Variants in EBF2 observed in about 807,000 individuals in gnomAD.
EBF2 encodes the protein EBF transcription factor 2.
Under a neutral mutation model 72.8 loss-of-function variants are expected in EBF2, and 21 were observed. That is an observed-to-expected ratio of 0.29 (90% confidence interval 0.20 to 0.42). The LOEUF is 0.42. Ranked by LOEUF, EBF2 falls within the 10% of genes least tolerant of loss-of-function variation. EBF2 has a pLI of 1.00. For synonymous variants in EBF2, 299 were observed against 274.2 expected (o/e 1.09, Z -0.89); for missense variants, 637 against 731.2 (o/e 0.87, Z 1.49).
At chr8:25,924,123 A>T (rs1476504077) in intron 6 of EBF2, among the ~76,000 whole-genome samples, 1 of 152,148 alleles carries the variant, frequency 6.6e-6, no homozygotes, top group Non-Finnish European at 1.5e-5. Context: ...CAATATTTTC[A>T]TCTCTCTGTG....
At chr8:25,941,846 G>A (rs79228170) in intron 6 of EBF2, among the ~76,000 whole-genome samples, 2 of 152,236 alleles carry the variant, frequency 1.3e-5, no homozygotes, top group East Asian at 1.9e-4. Context: ...TGATAAACAC[G>A]TGGAAATGCA....
intron 6 of EBF2, among the ~76,000 whole-genome samples, chr8:25,947,469 G>A (rs1377918357): frequency 3.3e-5 from 5 of 152,158 alleles, no homozygotes; most frequent in African/African-American, 1.2e-4. Context: ...CACGCATGCT[G>A]TAGCCCTAGT....
At chr8:25,948,071 G>T (rs1437570598) in intron 6 of EBF2, among the ~76,000 whole-genome samples, 1 of 152,096 alleles carries the variant, frequency 6.6e-6, no homozygotes, top group Non-Finnish European at 1.5e-5. Context: ...AGGTGGCCAA[G>T]CATTCATTCA....
chr8:25,988,351 G>A (rs984514470), intron 6 of EBF2, among the ~76,000 whole-genome samples: 5 of 152,190 alleles, frequency 3.3e-5, no homozygotes, highest in African/African-American at 1.2e-4. Context: ...TGCACATGCA[G>A]AAATATTCTA....
intron 6 of EBF2, among the ~76,000 whole-genome samples, chr8:25,967,947 T>C (rs1804139174): frequency 6.6e-6 from 1 of 152,232 alleles, no homozygotes; most frequent in South Asian, 2.1e-4. Context: ...ATAGTATGTA[T>C]ACTTACAGAA....
At chr8:25,908,653 T>A (rs1381050243) in intron 6 of EBF2, 98 bp from the exon 7 acceptor site, 3 of 841,338 alleles carry the variant, frequency 3.6e-6, no homozygotes, top group Non-Finnish European at 5.7e-6. Context: ...GCGATTCTAT[T>A]TCAGATCTGG....
chr8:25,936,883 G>C (rs1803588077), intron 6 of EBF2, among the ~76,000 whole-genome samples: 1 of 152,122 alleles, frequency 6.6e-6, no homozygotes, highest in Non-Finnish European at 1.5e-5. Flanking sequence ...TTTTATTCTA[G>C]AATTTCAAAA....
intron 5 of EBF2, among the ~76,000 whole-genome samples, chr8:26,034,457 G>A (rs901345967): frequency 1.3e-5 from 2 of 152,136 alleles, no homozygotes; most frequent in Admixed American, 6.5e-5. Context: ...GATCCCCTGG[G>A]GCAATTACAA....
chr8:25,969,767 C>T lies in EBF2; in HGVS notation c.552-61212G>A, dbSNP rs1008147965. 5.3e-5 allele frequency among the ~76,000 whole-genome samples: 8 copies of T among 152,258 alleles called. No homozygotes were observed. In the East Asian group the frequency reaches 5.8e-4, roughly 11 times the overall value. On this transcript the variant is annotated intron_variant, in intron 6 of 15. Transcript: ENST00000520164. Reference sequence around the variant, plus strand: ...TCACCCAGGCTGGAGGGCAGTGGCGCGATCACAGCTCACTGCAGCTTTGAA... The same window carrying T: ...TCACCCAGGCTGGAGGGCAGTGGCGTGATCACAGCTCACTGCAGCTTTGAA...
chr8:25,886,971 C>T lies in EBF2; in HGVS notation c.883-90G>A, dbSNP rs528480379. 20 of 1,428,534 alleles carry T rather than the reference C, an allele frequency of 1.4e-5. No homozygotes were observed. The African/African-American group carries it at 2.7e-4, about 19-fold the overall frequency. 88.5% of individuals were successfully genotyped at this position (1,428,534 alleles called of 1,614,324 possible). A position where few individuals can be genotyped will look rare whatever the true frequency, so the allele number is the denominator to read the frequency against. ...TGTACAACATCTCCCACTATTGCTC[C>T]CCAGGGGCTTCTTTCTCTCTGCTCT... On this transcript the variant is annotated intron_variant, in intron 9 of 15. Coordinates refer to ENST00000520164, the MANE Select transcript of EBF2 (RefSeq NM_022659.4).
chr8:26,013,114 A>C (rs535467855), intron 6 of EBF2, among the ~76,000 whole-genome samples: 1 of 152,274 alleles, frequency 6.6e-6, no homozygotes, highest in Non-Finnish European at 1.5e-5. Context: ...TTTTGGGAGG[A>C]GTATCTCACT....
chr8:25,844,690 C>T, intron 15 of EBF2, 50 bp from the exon 16 acceptor site: 1 of 1,609,144 alleles, frequency 6.2e-7, no homozygotes, highest in Non-Finnish European at 8.5e-7. Flanking sequence ...TTTTTATGTT[C>T]AAGGCTATGA....
chr8:25,892,781 A>G, intron 7 of EBF2, among the ~76,000 whole-genome samples: 1 of 152,194 alleles, frequency 6.6e-6, no homozygotes, highest in East Asian at 1.9e-4. Context: ...CTAATATGTG[A>G]CAGGGCCCAG....
At chr8:26,002,876 AGGCGGGCAGGCG>A (rs1563204666) in intron 6 of EBF2, among the ~76,000 whole-genome samples, 5,067 of 93,066 alleles carry the variant, frequency 0.054, 150 homozygotes, top group Non-Finnish European at 0.097. Context: ...GCAGGCGGGC[AGGCGGGCAGGCG>A]GGCAGGCAGG....
intron 6 of EBF2, among the ~76,000 whole-genome samples, chr8:25,993,699 G>C (rs1585219545): frequency 6.6e-6 from 1 of 152,100 alleles, no homozygotes; most frequent in Non-Finnish European, 1.5e-5. Flanking sequence ...AGAGGGGTGA[G>C]ACAAAGGAAT....
intron 14 of EBF2, among the ~76,000 whole-genome samples, chr8:25,851,336 C>T (rs932177043): frequency 3.3e-5 from 5 of 151,522 alleles, no homozygotes; most frequent in Admixed American, 1.3e-4. Context: ...CTTCCTCTCC[C>T]GTAATTTCAA....
intron 15 of EBF2, among the ~76,000 whole-genome samples, chr8:25,849,135 G>T (rs1170868535): frequency 6.6e-6 from 1 of 152,188 alleles, no homozygotes; most frequent in Non-Finnish European, 1.5e-5. Context: ...GTTTCCAGAT[G>T]TTTCCAACTA....
At chr8:25,963,638 C>CGA (rs1443831873) in intron 6 of EBF2, among the ~76,000 whole-genome samples, 1 of 152,150 alleles carries the variant, frequency 6.6e-6, no homozygotes, top group Non-Finnish European at 1.5e-5. Context: ...CTCCCATGTG[C>CGA]GACTACAATG....
chr8:25,882,412 C>T (rs1297750946), intron 10 of EBF2, among the ~76,000 whole-genome samples: 2 of 152,216 alleles, frequency 1.3e-5, no homozygotes, highest in African/African-American at 2.4e-5. Flanking sequence ...CAGGTGCTTT[C>T]CATGAAGAGA....
Sources: gnomAD v4.1 joint callset for allele counts (sites outside exome capture counted in the v4.1 genomes callset) on GRCh38, gnomAD v4.1.1 for gene constraint, MANE v1.5 for transcripts, NCBI Gene and HGNC (gene_info 2026-07-23, HGNC 2026-07-21) for gene names.